PARP14: variants seen among roughly 807,000 people sequenced by gnomAD.
PARP14 encodes the protein protein mono-ADP-ribosyltransferase PARP14.
A neutral mutation model predicts 154.2 loss-of-function variants in PARP14; 59 were observed. The observed-to-expected ratio is 0.38, with a 90% confidence interval of 0.31 to 0.48. The LOEUF (loss-of-function observed/expected upper bound fraction) is 0.48, where lower values mean the gene tolerates loss of function less well. Among genes scored for constraint, PARP14 ranks in the 20% least tolerant of loss-of-function variants. The pLI is 0.98. For missense variants in PARP14, 1,734 were observed against 2,131.6 expected, an observed-to-expected ratio of 0.81 and a Z score of 3.67; for synonymous variants, 720 against 780.5, an observed-to-expected ratio of 0.92 and a Z score of 1.29.
intron 8 of PARP14, among the ~76,000 whole-genome samples, chr3:122,705,380 A>T (rs1030621273): frequency 6.6e-6 from 1 of 152,250 alleles, no homozygotes; most frequent in African/African-American, 2.4e-5. Flanking sequence ...AGAAATTTTA[A>T]TACATAGTAT....
chr3:122,728,269 T>C, intron 16 of PARP14, 39 bp from the exon 17 acceptor site: 1 of 1,554,088 alleles, frequency 6.4e-7, no homozygotes, highest in Middle Eastern at 1.7e-4. Context: ...AAATTTTACA[T>C]TAACTTGAAA....
Position 122,718,875 on chromosome 3 carries a change from A to G in PARP14, c.4724A>G (p.His1575Arg). The change falls in exon 14 of 17, where the codon CAC becomes CGC. Residue 1575 changes from histidine (H) to arginine (R), a missense_variant. Physicochemically the swap from His to Arg is conservative, Grantham distance 29. Around this residue, in one of 2 missense-constraint regions of PARP14, gnomAD observed 1,646 missense variants for 1,976.0 expected, o/e 0.83. Transcript: ENST00000474629. ...KTVDVKINHR[H>R]YTVNLNTYTA... ...GTTGATGTCAAAATTAATCATCGGCACTACACAGTGAACTTGAACACATAC... is the reference window on the plus strand; with the variant it reads ...GTTGATGTCAAAATTAATCATCGGCGCTACACAGTGAACTTGAACACATAC... The G allele has an allele frequency of 6.2e-7, 1 of 1,613,938 alleles. No homozygotes were observed. Among genetic ancestry groups the G allele is most frequent in the African/African-American group, 1.3e-5 (1 of 75,054 alleles).
intron 8 of PARP14, among the ~76,000 whole-genome samples, chr3:122,706,321 A>C (rs1183683364): frequency 6.6e-6 from 1 of 152,240 alleles, no homozygotes; most frequent in Non-Finnish European, 1.5e-5. Context: ...TTGCACAAAA[A>C]AATCAGCAAA....
At chr3:122,703,419 T>C (rs1234607797) in intron 6 of PARP14, among the ~76,000 whole-genome samples, 1 of 152,200 alleles carries the variant, frequency 6.6e-6, no homozygotes, top group Non-Finnish European at 1.5e-5. Context: ...CTCCCTGTCT[T>C]GCTCTGCCTG....
chr3:122,728,002 A>G lies in PARP14; in HGVS notation c.5116+16A>G, dbSNP rs762691046. On this transcript the variant is annotated intron_variant, in intron 16 of 16. Coordinates refer to ENST00000474629, the MANE Select transcript of PARP14 (RefSeq NM_017554.3). ...GGAAAGAATGGTAAGGAAGCGAGTA[A>G]TCTGGCTGCTTGGAATGAGGCATCA... The G allele has an allele frequency of 1.9e-6, 3 of 1,599,888 alleles. No individual in the cohort carries two copies. Among genetic ancestry groups the G allele is most frequent in the Non-Finnish European group, 2.6e-6 (3 of 1,171,700 alleles).
At chr3:122,719,188 A>C (rs1933088493) in intron 14 of PARP14, among the ~76,000 whole-genome samples, 1 of 152,208 alleles carries the variant, frequency 6.6e-6, no homozygotes, top group Non-Finnish European at 1.5e-5. Flanking sequence ...ACAATAGTCA[A>C]ATCTCACCTT....
intron 2 of PARP14, chr3:122,686,809 T>C (rs756621718): frequency 1.1e-5 from 4 of 365,180 alleles, no homozygotes; most frequent in Non-Finnish European, 2.0e-5. Context: ...GCTAAGATGT[T>C]TCTCTGATGT....
chr3:122,681,218 G>T lies in PARP14; in HGVS notation c.187+148G>T. 1.7e-6 allele frequency: 1 copy of T among 572,158 alleles called. No individual in the cohort carries two copies. The allele number at this position is 572,158 out of a possible 1,614,324, so 35.4% of individuals were successfully genotyped here. On this transcript the variant is annotated intron_variant, in intron 1 of 16. Transcript: ENST00000474629. This position sits in a 1 kb window ranked among gnomAD's most constrained non-coding sequence, Gnocchi z 5.5. ...CCGGGGCGGGGGCGGGGGCGGGGGC[G>T]GCAGAATGGATTCCGAGCGCACCCG...
intron 2 of PARP14, 81 bp from the exon 3 acceptor site, chr3:122,686,999 C>T (rs1293190206): frequency 3.1e-6 from 3 of 960,818 alleles, no homozygotes; most frequent in Admixed American, 4.1e-5. Flanking sequence ...CCCTCCATCT[C>T]CAGGCTGGTC....
In PARP14 at chr3:122,701,741, G is replaced by T; in HGVS notation, c.3081+106G>T. Reference sequence around the variant, plus strand: ...AGATAAGGACCAAGGTGAGAATCAAGGGAGAGAATCCCATGCCTTCCACCC... The same window carrying T: ...AGATAAGGACCAAGGTGAGAATCAATGGAGAGAATCCCATGCCTTCCACCC... On this transcript the variant is annotated intron_variant, in intron 6 of 16. Transcript: ENST00000474629. This position sits in a 1 kb window ranked among gnomAD's most constrained non-coding sequence, Gnocchi z 4.0. 1.2e-6 allele frequency: 1 copy of T among 838,770 alleles called. No individual in the cohort carries two copies. 52.0% of individuals were successfully genotyped at this position (838,770 alleles called of 1,614,324 possible).
chr3:122,687,782 T>C (rs1025761176), intron 3 of PARP14, among the ~76,000 whole-genome samples: 2 of 152,288 alleles, frequency 1.3e-5, no homozygotes, highest in Non-Finnish European at 1.5e-5. Flanking sequence ...TTATAAAGGG[T>C]AGGAAGTGAA....
intron 9 of PARP14, among the ~76,000 whole-genome samples, chr3:122,711,246 T>C (rs1428327787): frequency 6.6e-6 from 1 of 152,186 alleles, no homozygotes; most frequent in Non-Finnish European, 1.5e-5. Flanking sequence ...CTTTTACTAC[T>C]TCAAGATATG....
chr3:122,698,756 A>G (rs1043522150), intron 5 of PARP14, among the ~76,000 whole-genome samples: 1 of 152,238 alleles, frequency 6.6e-6, no homozygotes. Flanking sequence ...CTAAGCTATA[A>G]TAATTTATTA....
At chr3:122,725,929 C>T (rs1382587616) in intron 15 of PARP14, among the ~76,000 whole-genome samples, 3 of 152,060 alleles carry the variant, frequency 2.0e-5, no homozygotes, top group Non-Finnish European at 4.4e-5. Flanking sequence ...GTTAGTTATA[C>T]ATTCTAATTC....
At chr3:122,724,466 T>TA (rs990290472) in intron 15 of PARP14, among the ~76,000 whole-genome samples, 1 of 145,442 alleles carries the variant, frequency 6.9e-6, no homozygotes, top group African/African-American at 2.6e-5. Context: ...GCCTATTTTT[T>TA]TTTTTTTTTT....
chr3:122,727,997 G>T lies in PARP14; in HGVS notation c.5116+11G>T, dbSNP rs373983074. ...ATGCCGGAAAGAATGGTAAGGAAGC[G>T]AGTAATCTGGCTGCTTGGAATGAGG... On this transcript the variant is annotated intron_variant, in intron 16 of 16. Transcript: ENST00000474629. 1 of 1,602,754 alleles carries T rather than the reference G, an allele frequency of 6.2e-7. No individual in the cohort carries two copies. The highest frequency in any genetic ancestry group is 1.3e-5 in the African/African-American group (1 of 74,506).
rs370397700 is a variant in PARP14, at chr3:122,718,888, C to T, written c.4737C>T (p.Asn1579=). Reference sequence around the variant, plus strand: ...TTAATCATCGGCACTACACAGTGAACTTGAACACATACACTGCCACAGACA... The same window carrying T: ...TTAATCATCGGCACTACACAGTGAATTTGAACACATACACTGCCACAGACA... ...VKINHRHYTV[N]LNTYTATDTK... Residue 1579 remains asparagine (N), a synonymous_variant, in exon 14 of 17, where the codon AAC becomes AAT. Coordinates refer to ENST00000474629, the MANE Select transcript of PARP14 (RefSeq NM_017554.3). 6.2e-6 allele frequency: 10 copies of T among 1,613,692 alleles called. No individual in the cohort carries two copies. The highest frequency in any genetic ancestry group is 7.6e-6 in the Non-Finnish European group (9 of 1,179,776).
intron 14 of PARP14, among the ~76,000 whole-genome samples, 165 bp downstream of exon 14, chr3:122,719,123 A>G (rs940654402): frequency 3.9e-5 from 6 of 152,232 alleles, no homozygotes; most frequent in Admixed American, 2.0e-4. Flanking sequence ...CGTTATGGCC[A>G]GGAAAACCCA....
At chr3:122,683,244 G>A in intron 1 of PARP14, 1 of 964,452 alleles carries the variant, frequency 1.0e-6, no homozygotes, top group Non-Finnish European at 1.2e-6. Flanking sequence ...AGTCCCAGAA[G>A]TGCATTCTTC....
Sources: gnomAD v4.1 joint callset for allele counts (sites outside exome capture counted in the v4.1 genomes callset) on GRCh38, gnomAD v4.1.1 for gene constraint, gnomAD v4.1.1 regional missense constraint, Gnocchi (gnomAD v3.1) non-coding constraint, MANE v1.5 for transcripts, NCBI Gene and HGNC (gene_info 2026-07-23, HGNC 2026-07-21) for gene names.